The following RNFT2 variants were observed in gnomAD, a reference collection of about 807,000 sequenced individuals.
RNFT2 encodes ring finger protein, transmembrane 2, also known as E3 ubiquitin-protein ligase RNFT2.
In RNFT2, 36 loss-of-function variants were observed where a neutral mutation model predicts 53.0. That is an observed-to-expected ratio of 0.68 (90% CI 0.52 to 0.90). The LOEUF (loss-of-function observed/expected upper bound fraction) is 0.90, where lower values mean the gene tolerates loss of function less well. Ranked by LOEUF, RNFT2 falls within the 40% of genes least tolerant of loss-of-function variation. The pLI is 0.00. For missense variants in RNFT2, 514 were observed against 585.6 expected (o/e 0.88, Z 1.26); for synonymous variants, 260 against 253.2 (o/e 1.03, Z -0.26).
At chr12:116,792,514 G>A (rs1874294936) in intron 7 of RNFT2, among the ~76,000 whole-genome samples, 1 of 152,112 alleles carries the variant, frequency 6.6e-6, no homozygotes. Flanking sequence ...TTGCGCCTCC[G>A]AGCTGTGGGC....
At position 116,842,578 on chromosome 12, in the gene RNFT2, TTG is replaced by T. The variant is rs1877405406; in HGVS notation, c.1200+6298_1200+6299del. On this transcript the variant is annotated intron_variant, in intron 10 of 10. Transcript: ENST00000257575. ...TTATTTTATTTATTTATTTGTTTGT[TTG>T]TTTGTTTGTTTGAGACAGAGTCTCC... Among the ~76,000 whole-genome samples the T allele has an allele frequency of 2.6e-5, 4 of 152,010 alleles. No individual in the cohort carries two copies. In the South Asian group the frequency reaches 8.3e-4, roughly 32 times the overall value.
chr12:116,796,476 T>C (rs772279709), intron 7 of RNFT2, among the ~76,000 whole-genome samples: 3 of 152,056 alleles, frequency 2.0e-5, no homozygotes, highest in Non-Finnish European at 4.4e-5. Flanking sequence ...TCCAGTAGGG[T>C]GAGATTCCAT....
intron 7 of RNFT2, among the ~76,000 whole-genome samples, chr12:116,823,300 C>G (rs540960565): frequency 2.0e-5 from 3 of 152,184 alleles, no homozygotes; most frequent in Admixed American, 6.5e-5. Flanking sequence ...AGCAGCTTGC[C>G]CAAAGTCACA....
At chr12:116,739,918 A>G (rs1871521245) in intron 1 of RNFT2, among the ~76,000 whole-genome samples, 2 of 152,218 alleles carry the variant, frequency 1.3e-5, no homozygotes, top group Admixed American at 1.3e-4. Context: ...TAAGAGTTTC[A>G]AAGAGGGCCG....
At chr12:116,810,222 A>T (rs1341700699) in intron 7 of RNFT2, among the ~76,000 whole-genome samples, 1 of 152,078 alleles carries the variant, frequency 6.6e-6, no homozygotes, top group African/African-American at 2.4e-5. Context: ...CAGAGAATGG[A>T]CACCTAAACC....
At chr12:116,776,388 A>G (rs944128304) in intron 6 of RNFT2, among the ~76,000 whole-genome samples, 1 of 152,182 alleles carries the variant, frequency 6.6e-6, no homozygotes, top group Non-Finnish European at 1.5e-5. Flanking sequence ...GATTTGGCAG[A>G]GTGTGGAAAT....
At chr12:116,784,651 C>T (rs76520510) in intron 7 of RNFT2, among the ~76,000 whole-genome samples, 2,343 of 152,244 alleles carry the variant, frequency 0.015, 71 homozygotes, top group African/African-American at 0.053. Context: ...CTCCCTCCAC[C>T]CCACTGTTCA....
At chr12:116,829,043 A>G (rs1016326697) in intron 7 of RNFT2, among the ~76,000 whole-genome samples, 6 of 150,840 alleles carry the variant, frequency 4.0e-5, no homozygotes, top group Non-Finnish European at 2.9e-5. Flanking sequence ...CGCAGTTGAG[A>G]GAGGTTGGAC....
chr12:116,754,878 G>A (rs1470831673), intron 5 of RNFT2, among the ~76,000 whole-genome samples: 5 of 152,028 alleles, frequency 3.3e-5, no homozygotes, highest in South Asian at 2.1e-4. Context: ...TGTAGATTCC[G>A]GATATTAGTC....
rs780393115 is a variant in RNFT2 at position 116,853,493 on chromosome 12, C to T, written c.*4045C>T. On this transcript the variant is annotated 3_prime_UTR_variant, in exon 11 of 11. Coordinates refer to ENST00000257575, the MANE Select transcript of RNFT2 (RefSeq NM_001382266.1). Reference sequence around the variant, plus strand: ...GGAAGACATCCGGGCTGCTGAGACTCGGGATTAGAAGAAAGAGAGGTAAAT... The same window carrying T: ...GGAAGACATCCGGGCTGCTGAGACTTGGGATTAGAAGAAAGAGAGGTAAAT... The T allele has an allele frequency of 2.7e-4, 80 of 299,100 alleles. No homozygotes were observed. The highest frequency in any genetic ancestry group is 4.6e-4 in the Admixed American group (9 of 19,558). 18.5% of individuals were successfully genotyped at this position (299,100 alleles called of 1,614,324 possible).
At chr12:116,800,583 G>A (rs555464694) in intron 7 of RNFT2, among the ~76,000 whole-genome samples, 264 of 151,694 alleles carry the variant, frequency 1.7e-3, no homozygotes, top group Non-Finnish European at 3.1e-3. Context: ...GCAGTGAGCC[G>A]AGATAATGCC....
At chr12:116,819,479 G>A (rs1011644879) in intron 7 of RNFT2, among the ~76,000 whole-genome samples, 32 of 152,196 alleles carry the variant, frequency 2.1e-4, no homozygotes, top group South Asian at 2.1e-4. Flanking sequence ...GGCGCTCGCC[G>A]AGGAGTCGAT....
chr12:116,776,673 C>A (rs1312823935), intron 6 of RNFT2, among the ~76,000 whole-genome samples: 1 of 152,180 alleles, frequency 6.6e-6, no homozygotes, highest in Non-Finnish European at 1.5e-5. Context: ...GCCAGCCCAG[C>A]TGAGTATTTC....
intron 7 of RNFT2, among the ~76,000 whole-genome samples, chr12:116,795,465 G>C (rs565186713): frequency 6.6e-6 from 1 of 151,906 alleles, no homozygotes; most frequent in South Asian, 2.1e-4. Context: ...CCAAGATCCG[G>C]GAACTGCGCT....
intron 5 of RNFT2, among the ~76,000 whole-genome samples, chr12:116,762,934 T>G (rs145433436): frequency 0.016 from 2,444 of 152,130 alleles, 232 homozygotes; most frequent in Admixed American, 0.15. Context: ...TTTAAAAAGT[T>G]AGCCAGGTGT....
At chr12:116,761,229 ACCTCTGCCTCCCAGGTTCAAGCAATT>A (rs1323787281) in intron 5 of RNFT2, among the ~76,000 whole-genome samples, 1 of 152,016 alleles carries the variant, frequency 6.6e-6, no homozygotes, top group Non-Finnish European at 1.5e-5. Context: ...GCGCACTGTA[ACCTCTGCCTCCCAGGTTCAAGCAATT>A]CCTCTGCCTC....
chr12:116,749,859 C>G lies in RNFT2; in HGVS notation c.102C>G (p.Leu34=). The G allele has an allele frequency of 6.3e-7, 1 of 1,581,214 alleles. No individual in the cohort carries two copies. Among genetic ancestry groups the G allele is most frequent in the Non-Finnish European group, 8.6e-7 (1 of 1,163,354 alleles). ...IPPERNRSQA[L]SSEASVDEGG... ...CACCCAGAAACCGCAGCCAGGCGCT[C>G]AGCTCCGAGGCGAGTGTGGATGAAG... Residue 34 remains leucine (L), a synonymous_variant, in exon 4 of 11, where the codon CTC becomes CTG. Coordinates refer to ENST00000257575, the MANE Select transcript of RNFT2 (RefSeq NM_001382266.1).
chr12:116,844,794 T>C (rs150581070), intron 10 of RNFT2, among the ~76,000 whole-genome samples: 1 of 152,316 alleles, frequency 6.6e-6, no homozygotes, highest in East Asian at 1.9e-4. Context: ...TAACCAAGTC[T>C]ATGTGAACAG....
intron 7 of RNFT2, among the ~76,000 whole-genome samples, chr12:116,808,864 C>A (rs1875221941): frequency 1.3e-5 from 2 of 152,134 alleles, no homozygotes; most frequent in African/African-American, 4.8e-5. Flanking sequence ...CCACTCTCAC[C>A]CCCAGCACTG....
Sources: gnomAD v4.1 joint callset for allele counts (sites outside exome capture counted in the v4.1 genomes callset) on GRCh38, gnomAD v4.1.1 for gene constraint, MANE v1.5 for transcripts, NCBI Gene and HGNC (gene_info 2026-07-23, HGNC 2026-07-21) for gene names.